Variants in SMTNL1 observed in about 807,000 individuals in gnomAD.
The protein encoded by SMTNL1 is smoothelin-like protein 1.
Under a neutral mutation model 46.6 loss-of-function variants are expected in SMTNL1, and 41 were observed. The observed-to-expected ratio is 0.88, with a 90% CI of 0.69 to 1.14. SMTNL1 has a LOEUF of 1.14. SMTNL1 is among the 50% of genes most tolerant of loss of function. The probability of loss-of-function intolerance (pLI) is 0.00; values close to 1 mark genes in which losing one functional copy is unlikely to be tolerated. For missense variants in SMTNL1, 591 were observed against 626.1 expected (o/e 0.94, Z 0.60); for synonymous variants, 234 against 234.2 (o/e 1.00, Z 0.01).
chr11:57,546,242 C>T lies in SMTNL1; in HGVS notation c.1083C>T (p.Ser361=), dbSNP rs774751542. ...CCCTCTCCCCTCACAGGGCAGCTTC[C>T]GGCCCCACGGCCTTGTTCCGCAACA... ...AIVDKFGGAA[S]GPTALFRNTK... The change falls in exon 6 of 8, where the codon TCC becomes TCT. Residue 361 remains serine (S), a synonymous_variant. Transcript: ENST00000527972. 4.4e-6 allele frequency: 7 copies of T among 1,599,852 alleles called. No homozygotes were observed. Among genetic ancestry groups the T allele is most frequent in the Middle Eastern group, 1.7e-4 (1 of 5,770 alleles).
At chr11:57,541,438 T>C (rs1174300697) in intron 1 of SMTNL1, 1 of 1,326,176 alleles carries the variant, frequency 7.5e-7, no homozygotes, top group African/African-American at 1.5e-5. Flanking sequence ...CACCTGTTTT[T>C]GTAGATCCTC....
intron 1 of SMTNL1, among the ~76,000 whole-genome samples, chr11:57,538,226 C>T (rs1373542164): frequency 6.6e-6 from 1 of 152,104 alleles, no homozygotes; most frequent in African/African-American, 2.4e-5. Flanking sequence ...AGGTGGAAGC[C>T]TTAGGACAAC....
At chr11:57,538,967 C>T (rs902520093) in intron 1 of SMTNL1, among the ~76,000 whole-genome samples, 14 of 152,102 alleles carry the variant, frequency 9.2e-5, no homozygotes, top group Admixed American at 7.2e-4. Context: ...GTGATAAACA[C>T]GCAGGATAGC....
chr11:57,542,979 G>A lies in SMTNL1; in HGVS notation c.337G>A (p.Gly113Ser), dbSNP rs1169247759. ...CACTGTGGGTTCTCAGGAGATGACT[G>A]GCAGGAAAGAAGAGACCAAATCTGA... ...ETTVGSQEMT[G>S]RKEETKSEPK... The change falls in exon 2 of 8, where the codon GGC (glycine) becomes AGC (serine). Residue 113 changes from glycine (G) to serine (S), a missense_variant. By Grantham distance (56) the Gly-to-Ser change is moderately conservative. Transcript: ENST00000527972. 1 of 1,602,022 alleles carries A rather than the reference G, an allele frequency of 6.2e-7. No individual in the cohort carries two copies. The highest frequency in any genetic ancestry group is 1.7e-4 in the Middle Eastern group (1 of 6,054).
rs1372661057 is a variant in SMTNL1 at position 57,543,871 on chromosome 11, G to A, written c.868G>A (p.Gly290Arg). The A allele has an allele frequency of 6.3e-7, 1 of 1,592,572 alleles. No homozygotes were observed. The highest frequency in any genetic ancestry group is 8.6e-7 in the Non-Finnish European group (1 of 1,169,524). Residue 290 changes from glycine (G) to arginine (R), a missense_variant and splice_region_variant, in exon 4 of 8, where the codon GGG becomes AGG. Coordinates refer to ENST00000527972, the MANE Select transcript of SMTNL1 (RefSeq NM_001105565.3). ...TGEGHNLSTD[G>R]LGPDCVASGQ... is the part of the protein sequence containing the mutation. Reference sequence around the variant, plus strand: ...TCCCTCCTTTCACTTTCCTCCAGATGGGCTGGGTCCAGACTGTGTAGCTTC... The same window carrying A: ...TCCCTCCTTTCACTTTCCTCCAGATAGGCTGGGTCCAGACTGTGTAGCTTC...
At chr11:57,544,312 G>A (rs1312084412) in intron 4 of SMTNL1, among the ~76,000 whole-genome samples, 4 of 152,176 alleles carry the variant, frequency 2.6e-5, no homozygotes, top group Non-Finnish European at 4.4e-5. Context: ...CCCAGGAGGT[G>A]GAGGTTGCAG....
intron 7 of SMTNL1, among the ~76,000 whole-genome samples, 194 bp downstream of exon 7, chr11:57,546,846 GC>G (rs1343162618): frequency 6.6e-6 from 1 of 152,184 alleles, no homozygotes; most frequent in East Asian, 1.9e-4. Flanking sequence ...AAAAATCTCT[GC>G]TTGAGTCAAG....
chr11:57,543,853 T>C lies in SMTNL1; in HGVS notation c.866-16T>C, dbSNP rs1443168498. 1 of 1,587,408 alleles carries C rather than the reference T, an allele frequency of 6.3e-7. No homozygotes were observed. Among genetic ancestry groups the C allele is most frequent in the African/African-American group, 1.3e-5 (1 of 74,324 alleles). On this transcript the variant is annotated splice_polypyrimidine_tract_variant and intron_variant, in intron 3 of 7. Transcript: ENST00000527972. ...GGATAGCCCCAGCTTCCCTCCCTCC[T>C]TTCACTTTCCTCCAGATGGGCTGGG...
At chr11:57,547,197 G>C (rs969026923) in intron 7 of SMTNL1, among the ~76,000 whole-genome samples, 1 of 152,182 alleles carries the variant, frequency 6.6e-6, no homozygotes, top group African/African-American at 2.4e-5. Flanking sequence ...ACAGCTCTAA[G>C]TGAATATCAG....
chr11:57,545,905 C>T lies in SMTNL1; in HGVS notation c.942C>T (p.Pro314=), dbSNP rs1281336946. ...SASESSPSDV[P]QSPPESPSSG... ...GTGAGTCTTCACCCAGCGACGTGCC[C>T]CAGAGTCCCCCTGAGTCCCCTTCCT... Residue 314 remains proline, a synonymous_variant, in exon 5 of 8, where the codon CCC becomes CCT. Transcript: ENST00000527972. 6.2e-7 allele frequency: 1 copy of T among 1,613,464 alleles called. No homozygotes were observed. The highest frequency in any genetic ancestry group is 1.7e-5 in the Admixed American group (1 of 59,920).
intron 4 of SMTNL1, among the ~76,000 whole-genome samples, chr11:57,544,868 G>A (rs1944909691): frequency 7.3e-6 from 1 of 136,110 alleles, no homozygotes; most frequent in African/African-American, 2.8e-5. Flanking sequence ...ATGGAGTCTT[G>A]ATCTGTCGCC....
chr11:57,546,234 G>T lies in SMTNL1; in HGVS notation c.1075G>T (p.Ala359Ser). 6.3e-7 allele frequency: 1 copy of T among 1,594,830 alleles called. No homozygotes were observed. Among genetic ancestry groups the T allele is most frequent in the South Asian group, 1.1e-5 (1 of 88,146 alleles). The change falls in exon 6 of 8, where the codon GCA (alanine) becomes TCA (serine). Residue 359 changes from alanine to serine, a missense_variant and splice_region_variant. Ala to Ser is a moderately conservative substitution (Grantham distance 99, BLOSUM62 1). Transcript: ENST00000527972. Reference sequence around the variant, plus strand: ...CCTTGCACCCCTCTCCCCTCACAGGGCAGCTTCCGGCCCCACGGCCTTGTT... The same window carrying T: ...CCTTGCACCCCTCTCCCCTCACAGGTCAGCTTCCGGCCCCACGGCCTTGTT... ...RKAIVDKFGGAASGPTALFRN... is the reference protein window; with the variant it reads ...RKAIVDKFGGSASGPTALFRN...
chr11:57,546,551 C>CTGTG lies in SMTNL1; in HGVS notation c.1240_1243dup (p.Ala415ValfsTer10). 6.2e-7 allele frequency: 1 copy of CTGTG among 1,614,208 alleles called. No homozygotes were observed. On this transcript the variant is annotated frameshift_variant, in exon 7 of 8. Coordinates refer to ENST00000527972, the MANE Select transcript of SMTNL1 (RefSeq NM_001105565.3). LOFTEE classifies it high-confidence loss of function. ...CCAGCTGGAGCAGTGGTATGGCCTTCTGTGCCCTCATCCACAAGTTCTTCC... is the reference window on the plus strand; with the variant it reads ...CCAGCTGGAGCAGTGGTATGGCCTTCTGTGTGTGCCCTCATCCACAAGTTCTTCC...
chr11:57,543,450 AG>A, intron 2 of SMTNL1, 76 bp downstream of exon 2: 1 of 1,550,844 alleles, frequency 6.4e-7, no homozygotes, highest in Non-Finnish European at 8.7e-7. Context: ...TGCTTCAGTC[AG>A]TTGGGAAAGT....
chr11:57,543,228 G>A lies in SMTNL1; in HGVS notation c.586G>A (p.Glu196Lys), dbSNP rs1279497165. The A allele has an allele frequency of 2.5e-6, 4 of 1,613,944 alleles. No individual in the cohort carries two copies. Among genetic ancestry groups the A allele is most frequent in the East Asian group, 4.5e-5 (2 of 44,872 alleles). The part of the protein sequence containing the change: ...STEPKEKATD[E>K]EAKAESQKAV... ...TGAACCCAAGGAGAAGGCTACTGAT[G>A]AAGAGGCCAAGGCTGAATCGCAGAA... The change falls in exon 2 of 8, where the codon GAA becomes AAA. Residue 196 changes from glutamate (E) to lysine (K), a missense_variant. Transcript: ENST00000527972.
intron 1 of SMTNL1, among the ~76,000 whole-genome samples, chr11:57,538,997 C>T (rs948544903): frequency 2.0e-5 from 3 of 151,998 alleles, no homozygotes; most frequent in African/African-American, 4.8e-5. Context: ...TGTCCGTGTG[C>T]GTGCACCTAC....
At chr11:57,538,845 T>G (rs1164637033) in intron 1 of SMTNL1, among the ~76,000 whole-genome samples, 1 of 152,192 alleles carries the variant, frequency 6.6e-6, no homozygotes, top group Non-Finnish European at 1.5e-5. Context: ...AGCTGTAAAC[T>G]GCTGTAGGGC....
intron 1 of SMTNL1, among the ~76,000 whole-genome samples, chr11:57,538,339 C>T (rs1004291074): frequency 4.6e-5 from 7 of 152,170 alleles, no homozygotes; most frequent in Admixed American, 6.5e-5. Context: ...CCCTTTCCTC[C>T]TGGTCTGCCA....
At chr11:57,546,795 C>T (rs1944927001) in intron 7 of SMTNL1, 143 bp downstream of exon 7, 1 of 1,084,786 alleles carries the variant, frequency 9.2e-7, no homozygotes, top group Admixed American at 2.3e-5. Flanking sequence ...GGGCCAGGCA[C>T]TGTTTCAGGC....
Sources: allele counts gnomAD v4.1 joint callset (sites outside exome capture counted in the v4.1 genomes callset), GRCh38; gene constraint gnomAD v4.1.1; transcripts MANE v1.5; gene names NCBI Gene and HGNC (gene_info 2026-07-23, HGNC 2026-07-21).